MED13L: variants seen among roughly 807,000 people sequenced by gnomAD.
MED13L encodes mediator of RNA polymerase II transcription subunit 13-like.
In MED13L, 7 loss-of-function variants were observed where a neutral mutation model predicts 220.9. That is an observed-to-expected ratio of 0.03 (90% CI 0.02 to 0.06). The LOEUF (loss-of-function observed/expected upper bound fraction) is 0.06. Among genes scored for constraint, MED13L ranks in the 10% least tolerant of loss-of-function variants. The pLI is 1.00. For missense variants in MED13L, 1,965 were observed against 2,760.5 expected (o/e 0.71, Z 6.46); for synonymous variants, 1,011 against 1,015.2 (o/e 1.00, Z 0.08).
chr12:116,207,331 A>G (rs1293169827), intron 2 of MED13L, among the ~76,000 whole-genome samples: 3 of 152,130 alleles, frequency 2.0e-5, no homozygotes, highest in African/African-American at 7.2e-5. Flanking sequence ...TCGGAAACAC[A>G]AACACTTACC....
At chr12:116,083,204 C>T (rs1316687823) in intron 4 of MED13L, among the ~76,000 whole-genome samples, 2 of 151,884 alleles carry the variant, frequency 1.3e-5, no homozygotes, top group Middle Eastern at 3.4e-3. Context: ...GCCAGGAGTT[C>T]GAGACCAGCC....
At chr12:115,986,149 G>T in intron 19 of MED13L, 117 bp downstream of exon 19, 1 of 1,103,376 alleles carries the variant, frequency 9.1e-7, no homozygotes, top group Non-Finnish European at 1.4e-6. Context: ...TCATCCACCT[G>T]TTTGCAAATT....
intron 2 of MED13L, among the ~76,000 whole-genome samples, chr12:116,215,316 T>G (rs750038465): frequency 2.6e-5 from 4 of 152,174 alleles, no homozygotes; most frequent in Non-Finnish European, 5.9e-5. Flanking sequence ...TCAGAAGTCT[T>G]GGAGAAATCT....
chr12:116,243,416 C>T (rs911512884), intron 1 of MED13L, among the ~76,000 whole-genome samples: 3 of 152,118 alleles, frequency 2.0e-5, no homozygotes, highest in Non-Finnish European at 4.4e-5. Flanking sequence ...GTGGCAGATA[C>T]TCCCCTGGCC....
chr12:116,276,720 A>C, intron 1 of MED13L: 1 of 986,254 alleles, frequency 1.0e-6, no homozygotes. Flanking sequence ...CGGGGGGAAA[A>C]AAAGGGGGGA....
intron 2 of MED13L, among the ~76,000 whole-genome samples, chr12:116,120,421 TTCTTTA>T (rs1874940832): frequency 6.7e-6 from 1 of 150,144 alleles, no homozygotes; most frequent in Admixed American, 6.7e-5. Context: ...ACATTTTGGC[TTCTTTA>T]AATAATCTCT....
chr12:116,096,585 T>C, intron 4 of MED13L, 84 bp downstream of exon 4: 1 of 984,676 alleles, frequency 1.0e-6, no homozygotes, highest in Non-Finnish European at 1.6e-6. Flanking sequence ...ACTAACATTA[T>C]TAGGAAATAA....
At chr12:116,176,438 G>GGCAGAGAAACAGAAGAGTA (rs1211077872) in intron 2 of MED13L, among the ~76,000 whole-genome samples, 34 of 152,058 alleles carry the variant, frequency 2.2e-4, no homozygotes, top group African/African-American at 8.0e-4. Context: ...AACAGTAAAA[G>GGCAGAGAAACAGAAGAGTA]GCAGAGAAAC....
intron 2 of MED13L, among the ~76,000 whole-genome samples, chr12:116,158,681 G>A (rs1266099789): frequency 1.3e-5 from 2 of 152,094 alleles, no homozygotes; most frequent in Non-Finnish European, 2.9e-5. Flanking sequence ...AATGAAATAA[G>A]GAAAAGAAGC....
intron 16 of MED13L, 151 bp from the exon 17 acceptor site, chr12:115,992,108 A>C: frequency 1.3e-6 from 1 of 769,498 alleles, no homozygotes; most frequent in Admixed American, 2.1e-5. Context: ...TTCTCTTAAA[A>C]AAAAAAAAGA....
chr12:115,965,627 T>C lies in MED13L; in HGVS notation c.6387+455A>G, dbSNP rs369208578. 5.8e-4 allele frequency among the ~76,000 whole-genome samples: 89 copies of C among 152,330 alleles called. 1 individual carries two copies. In the South Asian group the frequency reaches 0.017, roughly 30 times the overall value. On this transcript the variant is annotated intron_variant, in intron 29 of 30. Coordinates refer to ENST00000281928, the MANE Select transcript of MED13L (RefSeq NM_015335.5). ...TGGGATTAAAAGGTTCCAAGAAATA[T>C]AAAGGAAGGAGCAAGTGTAAATGTG...
At chr12:116,262,678 T>C (rs916993048) in intron 1 of MED13L, among the ~76,000 whole-genome samples, 2 of 152,230 alleles carry the variant, frequency 1.3e-5, no homozygotes, top group Non-Finnish European at 2.9e-5. Flanking sequence ...ATTCTTCTAC[T>C]TCAAATCAAA....
At chr12:115,963,323 C>T (rs769592018) in intron 30 of MED13L, 84 bp downstream of exon 30, 25 of 1,156,394 alleles carry the variant, frequency 2.2e-5, no homozygotes, top group Non-Finnish European at 3.2e-5. Flanking sequence ...GAATACCACA[C>T]TTAGATTAAA....
At chr12:116,096,354 CAAAAAAAAA>C (rs537207957) in intron 4 of MED13L, among the ~76,000 whole-genome samples, 613 of 23,574 alleles carry the variant, frequency 0.026, 10 homozygotes, top group African/African-American at 0.073. Flanking sequence ...GACACAGCCT[CAAAAAAAAA>C]AAAAAAAAAA....
intron 2 of MED13L, among the ~76,000 whole-genome samples, chr12:116,150,951 T>C (rs1267076869): frequency 6.6e-6 from 1 of 151,944 alleles, no homozygotes; most frequent in Non-Finnish European, 1.5e-5. Context: ...GTAAAGCACC[T>C]AGCACTACAC....
chr12:115,970,864 A>T (rs1236201576), intron 26 of MED13L, 94 bp from the exon 27 acceptor site: 1 of 1,188,902 alleles, frequency 8.4e-7, no homozygotes. Context: ...GAGTCTGATG[A>T]AAATGCCATG....
chr12:115,972,074 T>G lies in MED13L; in HGVS notation c.5890+4A>C, dbSNP rs1282573305. The G allele has an allele frequency of 6.2e-7, 1 of 1,613,686 alleles. No individual in the cohort carries two copies. Among genetic ancestry groups the G allele is most frequent in the Admixed American group, 1.7e-5 (1 of 59,960 alleles). On this transcript the variant is annotated splice_donor_region_variant and intron_variant, in intron 26 of 30. Transcript: ENST00000281928. ...ATTAATGACAATGACAAGAAGAAATTTACCTGGCATCACTACAAAGGACCC... is the reference window on the plus strand; with the variant it reads ...ATTAATGACAATGACAAGAAGAAATGTACCTGGCATCACTACAAAGGACCC...
chr12:116,231,357 CACA>C (rs1487177784), intron 2 of MED13L, among the ~76,000 whole-genome samples: 2 of 152,138 alleles, frequency 1.3e-5, no homozygotes, highest in Non-Finnish European at 2.9e-5. Context: ...GTGGAAAGGA[CACA>C]ACATCACCTA....
intron 2 of MED13L, among the ~76,000 whole-genome samples, chr12:116,172,274 T>C (rs1879735624): frequency 6.6e-6 from 1 of 152,160 alleles, no homozygotes; most frequent in East Asian, 1.9e-4. Flanking sequence ...AGAATCACAT[T>C]TCCGGATGTA....
Sources: allele counts gnomAD v4.1 joint callset (sites outside exome capture counted in the v4.1 genomes callset), GRCh38; gene constraint gnomAD v4.1.1; transcripts MANE v1.5; gene names NCBI Gene and HGNC (gene_info 2026-07-23, HGNC 2026-07-21).